CCDC171: variants seen among roughly 807,000 people sequenced by gnomAD.
The protein encoded by CCDC171 is coiled-coil domain containing 171, also known as coiled-coil domain-containing protein 171.
A neutral mutation model predicts 168.2 loss-of-function variants in CCDC171; 177 were observed. The observed-to-expected ratio is 1.05, with a 90% CI of 0.93 to 1.19. CCDC171 has a LOEUF of 1.19. CCDC171 is among the 50% of genes most tolerant of loss of function. The probability of loss-of-function intolerance (pLI) is 0.00; values close to 1 mark genes in which losing one functional copy is unlikely to be tolerated. For synonymous variants in CCDC171, 687 were observed against 540.8 expected, an observed-to-expected ratio of 1.27 and a Z score of -3.75; for missense variants, 1,991 against 1,539.0, an observed-to-expected ratio of 1.29 and a Z score of -4.91.
intron 3 of CCDC171, among the ~76,000 whole-genome samples, chr9:16,007,438 T>G (rs1832739302): frequency 2.0e-5 from 3 of 152,234 alleles, no homozygotes; most frequent in Admixed American, 2.0e-4. Flanking sequence ...TTAGTTTAAT[T>G]AGATCCCAAT....
At chr9:15,742,949 AT>A (rs1277474144) in intron 16 of CCDC171, among the ~76,000 whole-genome samples, 10 of 148,836 alleles carry the variant, frequency 6.7e-5, no homozygotes, top group Non-Finnish European at 6.0e-5. Context: ...ATATTTTTAA[AT>A]TTTTTTTTTG....
At chr9:15,965,110 T>C (rs1830673189) in intron 25 of CCDC171, among the ~76,000 whole-genome samples, 1 of 152,174 alleles carries the variant, frequency 6.6e-6, no homozygotes, top group African/African-American at 2.4e-5. Context: ...ATTTTGTCTC[T>C]GAATATAACA....
In CCDC171 at chr9:15,729,698, C is replaced by T; in HGVS notation, c.1949C>T (p.Ala650Val). ...CAGGAAGACACCTTTACCAAAGTGG[C>T]AGAACAGATCAAAGCCCAAGAGAGC... ...QTQEDTFTKV[A>V]EQIKAQESCW... The change falls in exon 16 of 26, where the codon GCA (alanine) becomes GTA (valine). Residue 650 changes from alanine (A) to valine (V), a missense_variant. Physicochemically the swap from Ala to Val is moderately conservative, Grantham distance 64. Coordinates refer to ENST00000380701, the MANE Select transcript of CCDC171 (RefSeq NM_173550.4). 6.2e-7 allele frequency: 1 copy of T among 1,613,324 alleles called. No individual in the cohort carries two copies. Among genetic ancestry groups the T allele is most frequent in the Non-Finnish European group, 8.5e-7 (1 of 1,179,512 alleles).
At chr9:15,749,698 T>C (rs947127910) in intron 18 of CCDC171, among the ~76,000 whole-genome samples, 1 of 152,188 alleles carries the variant, frequency 6.6e-6, no homozygotes, top group Admixed American at 6.5e-5. Flanking sequence ...ACATGGAAAC[T>C]GAACAACCTG....
At chr9:15,788,533 A>T (rs531168261) in intron 21 of CCDC171, among the ~76,000 whole-genome samples, 1 of 151,936 alleles carries the variant, frequency 6.6e-6, no homozygotes, top group African/African-American at 2.4e-5. Context: ...ATGATTTATA[A>T]TCTGAAAGCA....
At chr9:16,039,259 G>A (rs1833531932), upstream of CCDC171, among the ~76,000 whole-genome samples, 1 of 152,172 alleles carries the variant, frequency 6.6e-6, no homozygotes, top group Non-Finnish European at 1.5e-5. Context: ...TGTCACCTGT[G>A]CAGGACTCCC....
At chr9:15,988,118 T>C (rs73413946) in intron 3 of CCDC171, among the ~76,000 whole-genome samples, 2,727 of 152,176 alleles carry the variant, frequency 0.018, 93 homozygotes, top group African/African-American at 0.063. Flanking sequence ...GTGAAAAAAA[T>C]TGTGTTCAGG....
At chr9:16,105,494 A>T in the CCDC171 span, among the ~76,000 whole-genome samples, 2 of 152,232 alleles carry the variant, frequency 1.3e-5, no homozygotes, top group African/African-American at 4.8e-5. Flanking sequence ...CACAAATTCA[A>T]AGTGGACATC....
At chr9:16,071,409 C>T in the CCDC171 span, among the ~76,000 whole-genome samples, 1 of 152,182 alleles carries the variant, frequency 6.6e-6, no homozygotes, top group Admixed American at 6.5e-5. Flanking sequence ...GTCAAGCCCT[C>T]GACCTTCAGT....
rs781156143 is a variant in CCDC171, at chr9:15,729,644, C to CT, written c.1896dup (p.Asp633Ter). On this transcript the variant is annotated frameshift_variant, in exon 16 of 26. Coordinates refer to ENST00000380701, the MANE Select transcript of CCDC171 (RefSeq NM_173550.4). LOFTEE classifies it high-confidence loss of function. ...CTAGAGTATATCTGTAAAAACAAGTCTGACACGATGAGAGAGCTTCAGCAG... is the reference window on the plus strand; with the variant it reads ...CTAGAGTATATCTGTAAAAACAAGTCTTGACACGATGAGAGAGCTTCAGCAG... The CT allele has an allele frequency of 1.9e-6, 3 of 1,612,786 alleles. No homozygotes were observed.
At chr9:16,040,460 C>G (rs750986234), upstream of CCDC171, among the ~76,000 whole-genome samples, 1 of 152,170 alleles carries the variant, frequency 6.6e-6, no homozygotes, top group Non-Finnish European at 1.5e-5. Flanking sequence ...GACGGCCCAC[C>G]GCAGAGAGAA....
At chr9:16,036,884 A>T (rs986997111) in intron 8 of CCDC171, among the ~76,000 whole-genome samples, 1 of 152,224 alleles carries the variant, frequency 6.6e-6, no homozygotes, top group African/African-American at 2.4e-5. Context: ...AACATGAATG[A>T]GCCTGGGGGA....
intron 21 of CCDC171, among the ~76,000 whole-genome samples, chr9:15,804,027 C>G (rs950536711): frequency 6.6e-6 from 1 of 152,002 alleles, no homozygotes; most frequent in Non-Finnish European, 1.5e-5. Flanking sequence ...TGATTTGGCT[C>G]TCTACTTGCC....
chr9:15,877,932 T>G (rs1218200897), intron 24 of CCDC171, among the ~76,000 whole-genome samples: 2 of 152,062 alleles, frequency 1.3e-5, no homozygotes, highest in Non-Finnish European at 2.9e-5. Context: ...TAAATAATAA[T>G]TAAACAGTAA....
At chr9:15,558,566 G>T (rs550059317) in intron 1 of CCDC171, among the ~76,000 whole-genome samples, 1 of 152,138 alleles carries the variant, frequency 6.6e-6, no homozygotes, top group Non-Finnish European at 1.5e-5. Flanking sequence ...ATTTCTGTGG[G>T]ATCAGTGGTG....
chr9:15,744,469 C>G lies in CCDC171; in HGVS notation c.2246C>G (p.Ser749Cys). The G allele has an allele frequency of 2.5e-6, 4 of 1,614,146 alleles. No homozygotes were observed. The highest frequency in any genetic ancestry group is 2.5e-6 in the Non-Finnish European group (3 of 1,180,022). ...CTCTATAGCCGATCATGCGCCTTGT[C>G]TACACAGAGAGATTTTCTCCAGGAG... is the stretch of plus-strand genomic sequence containing the variant. ...YPLYSRSCAL[S>C]TQRDFLQEQV... Residue 749 changes from serine (S) to cysteine (C), a missense_variant, in exon 17 of 26, where the codon TCT becomes TGT. By Grantham distance (112) the Ser-to-Cys change is moderately radical (BLOSUM62 -1). Transcript: ENST00000380701.
chr9:15,797,234 T>C (rs2058601524), intron 21 of CCDC171, among the ~76,000 whole-genome samples: 1 of 152,188 alleles, frequency 6.6e-6, no homozygotes, highest in African/African-American at 2.4e-5. Context: ...CTGATTTTTT[T>C]GAGACAAGGT....
intron 10 of CCDC171, among the ~76,000 whole-genome samples, chr9:15,694,700 A>G (rs1389430541): frequency 6.6e-6 from 1 of 152,190 alleles, no homozygotes; most frequent in Non-Finnish European, 1.5e-5. Flanking sequence ...CAGTTTTACT[A>G]AAGTCTGGCC....
intron 3 of CCDC171, among the ~76,000 whole-genome samples, chr9:15,986,576 C>T (rs1025454907): frequency 8.6e-5 from 13 of 151,872 alleles, no homozygotes; most frequent in South Asian, 4.1e-4. Flanking sequence ...AGATTTTATA[C>T]GAAGAGGGCA....
Sources: gnomAD v4.1 joint callset for allele counts (sites outside exome capture counted in the v4.1 genomes callset) on GRCh38, gnomAD v4.1.1 for gene constraint, MANE v1.5 for transcripts, NCBI Gene and HGNC (gene_info 2026-07-23, HGNC 2026-07-21) for gene names.